The following MSH3 variants were observed in gnomAD, a reference collection of about 807,000 sequenced individuals.
The protein encoded by MSH3 is DNA mismatch repair protein Msh3.
MSH3 carries 106 observed loss-of-function variants against 123.3 expected under a neutral mutation model. That is an observed-to-expected ratio of 0.86 (90% CI 0.73 to 1.01). MSH3 has a LOEUF of 1.01. MSH3 is among the 50% of genes least tolerant of loss of function. The pLI is 0.00. For synonymous variants in MSH3, 515 were observed against 481.4 expected, an observed-to-expected ratio of 1.07 and a Z score of -0.91; for missense variants, 1,459 against 1,347.6, an observed-to-expected ratio of 1.08 and a Z score of -1.29.
At chr5:80,820,860 G>A (rs1385244314) in intron 20 of MSH3, among the ~76,000 whole-genome samples, 3 of 152,202 alleles carry the variant, frequency 2.0e-5, no homozygotes, top group African/African-American at 7.2e-5. Context: ...GTGTACCAGT[G>A]CACCTTTGTG....
At chr5:80,838,840 G>A (rs1745563714) in intron 20 of MSH3, among the ~76,000 whole-genome samples, 1 of 152,110 alleles carries the variant, frequency 6.6e-6, no homozygotes. Flanking sequence ...ACCATGTTTA[G>A]CTGTGTGACA....
chr5:80,791,584 T>C (rs888740508), intron 18 of MSH3, among the ~76,000 whole-genome samples: 2 of 152,106 alleles, frequency 1.3e-5, no homozygotes, highest in Admixed American at 6.5e-5. Flanking sequence ...TAAATTCTTA[T>C]TAAAATTTGT....
chr5:80,830,852 C>T (rs958175383), intron 20 of MSH3, among the ~76,000 whole-genome samples: 5 of 152,024 alleles, frequency 3.3e-5, no homozygotes, highest in African/African-American at 1.2e-4. Context: ...AGTGTTTCCA[C>T]GGAAATTGAA....
At chr5:80,821,411 A>G (rs1318968325) in intron 20 of MSH3, among the ~76,000 whole-genome samples, 4 of 152,194 alleles carry the variant, frequency 2.6e-5, no homozygotes, top group African/African-American at 9.7e-5. Context: ...AAATGAAATT[A>G]TTTTCACATT....
intron 20 of MSH3, among the ~76,000 whole-genome samples, chr5:80,837,512 A>T (rs1326288345): frequency 6.6e-6 from 1 of 152,148 alleles, no homozygotes; most frequent in Non-Finnish European, 1.5e-5. Flanking sequence ...TGGGAGGTTG[A>T]GGCTGCAGTG....
intron 15 of MSH3, among the ~76,000 whole-genome samples, chr5:80,770,096 A>C (rs761312795): frequency 6.6e-6 from 1 of 152,200 alleles, no homozygotes; most frequent in African/African-American, 2.4e-5. Context: ...GAACAGACAA[A>C]TACCAAATAT....
intron 19 of MSH3, among the ~76,000 whole-genome samples, chr5:80,802,872 G>T (rs1744817127): frequency 6.6e-6 from 1 of 152,090 alleles, no homozygotes; most frequent in African/African-American, 2.4e-5. Context: ...ATATCCTCCA[G>T]TTCCATCCAT....
chr5:80,821,055 A>G (rs1387975903), intron 20 of MSH3, among the ~76,000 whole-genome samples: 2 of 152,162 alleles, frequency 1.3e-5, no homozygotes, highest in Non-Finnish European at 2.9e-5. Flanking sequence ...CTTATATTTC[A>G]GGGTGTTGTC....
chr5:80,706,353 A>C (rs535633733), intron 8 of MSH3, among the ~76,000 whole-genome samples: 4 of 152,268 alleles, frequency 2.6e-5, no homozygotes, highest in African/African-American at 7.2e-5. Context: ...TTAATCATGC[A>C]TGAAAAAAAT....
At chr5:80,685,335 C>T (rs911429480) in intron 8 of MSH3, among the ~76,000 whole-genome samples, 1 of 149,608 alleles carries the variant, frequency 6.7e-6, no homozygotes, top group African/African-American at 2.5e-5. Context: ...ATTATGGCTT[C>T]AATCTCGTTA....
intron 17 of MSH3, among the ~76,000 whole-genome samples, chr5:80,784,945 ATGT>A (rs904512705): frequency 2.0e-5 from 3 of 152,208 alleles, no homozygotes; most frequent in Admixed American, 6.5e-5. Flanking sequence ...GATAGTTAAA[ATGT>A]TGTTTCTAGT....
At chr5:80,875,313 A>AG (rs199896299) in intron 23 of MSH3, among the ~76,000 whole-genome samples, 26 of 151,364 alleles carry the variant, frequency 1.7e-4, no homozygotes, top group East Asian at 7.7e-4. Flanking sequence ...GCTATTCTGC[A>AG]GAAAAAAAAA....
chr5:80,663,690 C>A (rs1749497979), intron 2 of MSH3, among the ~76,000 whole-genome samples: 1 of 152,048 alleles, frequency 6.6e-6, no homozygotes, highest in Non-Finnish European at 1.5e-5. Context: ...AGAAAAGAGT[C>A]AAATTTAAAT....
At chr5:80,781,641 G>A (rs1446876253) in intron 17 of MSH3, among the ~76,000 whole-genome samples, 1 of 151,982 alleles carries the variant, frequency 6.6e-6, no homozygotes, top group Non-Finnish European at 1.5e-5. Context: ...TAATTTTTAA[G>A]TGTTTTTGTA....
chr5:80,841,228 A>G (rs1745618052), intron 20 of MSH3, among the ~76,000 whole-genome samples: 1 of 152,180 alleles, frequency 6.6e-6, no homozygotes, highest in African/African-American at 2.4e-5. Flanking sequence ...TACAAAGTAC[A>G]TGAACTCATC....
intron 7 of MSH3, among the ~76,000 whole-genome samples, chr5:80,678,361 A>G (rs552638692): frequency 6.6e-6 from 1 of 152,328 alleles, no homozygotes; most frequent in South Asian, 2.1e-4. Flanking sequence ...TGGCATGATT[A>G]TTCTACTGGA....
At chr5:80,863,384 G>C (rs902109039) in intron 21 of MSH3, among the ~76,000 whole-genome samples, 2 of 152,076 alleles carry the variant, frequency 1.3e-5, no homozygotes, top group Non-Finnish European at 2.9e-5. Flanking sequence ...GAAATACATT[G>C]GTTTGGCCGG....
At chr5:80,811,142 T>C (rs1279241571) in intron 19 of MSH3, among the ~76,000 whole-genome samples, 2 of 152,158 alleles carry the variant, frequency 1.3e-5, no homozygotes, top group African/African-American at 4.8e-5. Flanking sequence ...TTTTGAATAC[T>C]GAAGTTGTAT....
At chr5:80,666,349 T>G (rs1677635) in intron 3 of MSH3, among the ~76,000 whole-genome samples, 42,190 of 152,080 alleles carry the variant, frequency 0.28, 6,083 homozygotes, top group Middle Eastern at 0.35. Context: ...TCAGAAAAAT[T>G]CTCAAGCCAA....
Sources: gnomAD v4.1 joint callset for allele counts (sites outside exome capture counted in the v4.1 genomes callset) on GRCh38, gnomAD v4.1.1 for gene constraint, MANE v1.5 for transcripts, NCBI Gene and HGNC (gene_info 2026-07-23, HGNC 2026-07-21) for gene names.